Variants in THEMIS observed in about 807,000 individuals in gnomAD.
The protein encoded by THEMIS is thymocyte selection associated.
THEMIS carries 37 observed loss-of-function variants against 52.6 expected under a neutral mutation model. The ratio of observed to expected loss-of-function variants is 0.70; its 90% CI spans 0.54 to 0.93. The LOEUF (loss-of-function observed/expected upper bound fraction) is 0.93, where lower values mean the gene tolerates loss of function less well. Ranked by LOEUF, THEMIS falls within the 40% of genes least tolerant of loss-of-function variation. The pLI, the probability that THEMIS is intolerant of heterozygous loss-of-function variation, is 0.00. For synonymous variants in THEMIS, 292 were observed against 272.7 expected, an observed-to-expected ratio of 1.07 and a Z score of -0.70; for missense variants, 808 against 763.1, an observed-to-expected ratio of 1.06 and a Z score of -0.69.
At chr6:127,720,350 C>T (rs1040084375) in intron 4 of THEMIS, among the ~76,000 whole-genome samples, 2 of 151,826 alleles carry the variant, frequency 1.3e-5, no homozygotes, top group Admixed American at 6.6e-5. Flanking sequence ...TTCATCATAA[C>T]AATGAATTAT....
intron 1 of THEMIS, among the ~76,000 whole-genome samples, chr6:127,875,147 C>T (rs374788728): frequency 8.3e-4 from 126 of 152,332 alleles, no homozygotes; most frequent in African/African-American, 2.8e-3. Context: ...TTGTCTTTCA[C>T]GAAACCAGTC....
intron 4 of THEMIS, among the ~76,000 whole-genome samples, chr6:127,791,486 G>T (rs1777154621): frequency 6.6e-6 from 1 of 152,174 alleles, no homozygotes; most frequent in Non-Finnish European, 1.5e-5. Flanking sequence ...GAAAGTAGGT[G>T]CTGATCGGCC....
intron 1 of THEMIS, among the ~76,000 whole-genome samples, chr6:127,889,712 A>G (rs1006802792): frequency 4.0e-5 from 6 of 149,254 alleles, no homozygotes; most frequent in African/African-American, 1.5e-4. Flanking sequence ...GGATAGTCAT[A>G]TGACATGTAT....
intron 4 of THEMIS, among the ~76,000 whole-genome samples, chr6:127,750,910 C>T (rs190024263): frequency 6.6e-6 from 1 of 151,704 alleles, no homozygotes; most frequent in Admixed American, 6.6e-5. Context: ...AATACTTTCC[C>T]AGGCAAACAA....
intron 4 of THEMIS, among the ~76,000 whole-genome samples, chr6:127,760,965 A>C (rs1235188711): frequency 6.6e-6 from 1 of 152,158 alleles, no homozygotes; most frequent in Non-Finnish European, 1.5e-5. Flanking sequence ...CAAACTAAAA[A>C]AGCTTCTGCA....
chr6:127,798,307 A>C (rs1041021585), intron 4 of THEMIS, among the ~76,000 whole-genome samples: 1 of 152,260 alleles, frequency 6.6e-6, no homozygotes, highest in Non-Finnish European at 1.5e-5. Context: ...GTTCAAAAAA[A>C]TAAAAGATCA....
upstream of THEMIS, chr6:127,901,133 GTT>G (rs1781123536): frequency 1.7e-6 from 1 of 582,378 alleles, no homozygotes; most frequent in Admixed American, 3.0e-5. Flanking sequence ...GACAAAAAAT[GTT>G]ATAGCTCTTT....
chr6:127,914,640 C>T (rs982887608), intron 1 of THEMIS, among the ~76,000 whole-genome samples: 5 of 152,156 alleles, frequency 3.3e-5, no homozygotes, highest in Non-Finnish European at 7.3e-5. Context: ...GAAAAAGGCA[C>T]AGTGTAAACA....
intron 4 of THEMIS, among the ~76,000 whole-genome samples, chr6:127,745,924 T>C (rs1246244863): frequency 6.6e-5 from 10 of 151,846 alleles, no homozygotes. Flanking sequence ...AAGGGAAAAG[T>C]TTTTAACTTA....
intron 4 of THEMIS, among the ~76,000 whole-genome samples, chr6:127,769,320 G>C (rs1776297789): frequency 6.7e-6 from 1 of 149,774 alleles, no homozygotes; most frequent in Non-Finnish European, 1.5e-5. Context: ...TGTGTTTATT[G>C]TGAACAAATG....
chr6:127,793,823 T>G (rs911046327), intron 4 of THEMIS, among the ~76,000 whole-genome samples: 2 of 152,212 alleles, frequency 1.3e-5, no homozygotes, highest in Non-Finnish European at 2.9e-5. Context: ...TAACCTCATT[T>G]TATAAGCAAG....
At chr6:127,814,697 A>C (rs1166655650) in intron 3 of THEMIS, among the ~76,000 whole-genome samples, 1 of 152,170 alleles carries the variant, frequency 6.6e-6, no homozygotes, top group Non-Finnish European at 1.5e-5. Context: ...TCATTGCCTC[A>C]TGCGTCACTG....
chr6:127,898,995 T>C (rs962011130), intron 1 of THEMIS, among the ~76,000 whole-genome samples: 5 of 151,364 alleles, frequency 3.3e-5, no homozygotes, highest in African/African-American at 1.2e-4. Flanking sequence ...TAGAGAGGGG[T>C]TGGTTGATTA....
chr6:127,907,542 A>C (rs983346156), intron 1 of THEMIS, among the ~76,000 whole-genome samples: 1 of 151,694 alleles, frequency 6.6e-6, no homozygotes, highest in African/African-American at 2.4e-5. Flanking sequence ...GTCTCAGCCA[A>C]TCATTATGAC....
At chr6:127,826,916 A>G (rs937559127) in intron 3 of THEMIS, among the ~76,000 whole-genome samples, 1 of 152,136 alleles carries the variant, frequency 6.6e-6, no homozygotes, top group African/African-American at 2.4e-5. Context: ...TTCCAGAAAC[A>G]AATACTTCAT....
intron 1 of THEMIS, among the ~76,000 whole-genome samples, chr6:127,860,096 C>T (rs942882227): frequency 1.3e-5 from 2 of 151,942 alleles, no homozygotes; most frequent in African/African-American, 2.4e-5. Context: ...GATAGGCGAC[C>T]ACAGGAATGA....
chr6:127,917,286 G>A (rs17055129), intron 1 of THEMIS, among the ~76,000 whole-genome samples: 2,678 of 152,246 alleles, frequency 0.018, 87 homozygotes, highest in African/African-American at 0.06. Flanking sequence ...ATTTTGGGTC[G>A]GTAGGCAGGC....
chr6:127,916,889 A>C (rs896210537), intron 1 of THEMIS, among the ~76,000 whole-genome samples: 1 of 152,238 alleles, frequency 6.6e-6, no homozygotes, highest in Non-Finnish European at 1.5e-5. Context: ...TGTAGTTTTA[A>C]AAACACACTA....
chr6:127,717,655 C>T (rs1300829302), intron 5 of THEMIS, among the ~76,000 whole-genome samples: 1 of 151,742 alleles, frequency 6.6e-6, no homozygotes, highest in Admixed American at 6.6e-5. Flanking sequence ...TCATTCACAG[C>T]AAAATTTCAG....
Sources: allele counts gnomAD v4.1 joint callset (sites outside exome capture counted in the v4.1 genomes callset), GRCh38; gene constraint gnomAD v4.1.1; transcripts MANE v1.5; gene names NCBI Gene and HGNC (gene_info 2026-07-23, HGNC 2026-07-21).